The following GGA2 variants were observed in gnomAD, a reference collection of about 807,000 sequenced individuals.
The protein encoded by GGA2 is ADP-ribosylation factor-binding protein GGA2.
Under a neutral mutation model 79.5 loss-of-function variants are expected in GGA2, and 48 were observed. The observed-to-expected ratio is 0.60, with a 90% CI of 0.48 to 0.77. The LOEUF (loss-of-function observed/expected upper bound fraction) is 0.77. GGA2 is among the 30% of genes least tolerant of loss of function. The pLI is 0.00. For missense variants in GGA2, 770 were observed against 774.0 expected (o/e 0.99, Z 0.06); for synonymous variants, 317 against 302.0 (o/e 1.05, Z -0.51).
At chr16:23,523,312 G>A (rs931875451), upstream of GGA2, 1 of 152,196 alleles carries the variant, frequency 6.6e-6, no homozygotes, top group African/African-American at 2.4e-5. Context: ...GAAACCAGCA[G>A]AGATGATGAC....
chr16:23,472,292 C>T (rs1323546808), intron 14 of GGA2, among the ~76,000 whole-genome samples: 1 of 143,196 alleles, frequency 7.0e-6, no homozygotes, highest in East Asian at 2.3e-4. Context: ...CTCCCAGGTT[C>T]AAGCGATTCT....
intron 1 of GGA2, among the ~76,000 whole-genome samples, chr16:23,521,390 CTTTAT>C (rs1965140808): frequency 6.6e-6 from 1 of 151,752 alleles, no homozygotes; most frequent in Non-Finnish European, 1.5e-5. Flanking sequence ...ATCCTTTTAA[CTTTAT>C]TTTATTCATT....
chr16:23,487,275 T>G (rs962555571), intron 6 of GGA2, among the ~76,000 whole-genome samples: 4 of 152,182 alleles, frequency 2.6e-5, no homozygotes, highest in African/African-American at 9.7e-5. Flanking sequence ...CCAGCGTGCC[T>G]GGCCTGCCAC....
intron 2 of GGA2, among the ~76,000 whole-genome samples, chr16:23,516,977 G>A (rs1290303921): frequency 1.3e-5 from 2 of 151,640 alleles, no homozygotes; most frequent in Non-Finnish European, 2.9e-5. Flanking sequence ...GAGAGAGAAG[G>A]ACCCTGGGTC....
At chr16:23,515,035 T>A (rs1965094939), upstream of GGA2, among the ~76,000 whole-genome samples, 1 of 152,064 alleles carries the variant, frequency 6.6e-6, no homozygotes, top group African/African-American at 2.4e-5. Flanking sequence ...TTGAGGAGTT[T>A]AATGTAGTGG....
chr16:23,474,605 C>T (rs1353299223), intron 14 of GGA2, among the ~76,000 whole-genome samples: 6 of 151,914 alleles, frequency 3.9e-5, no homozygotes, highest in Non-Finnish European at 8.8e-5. Flanking sequence ...TGATCACCTG[C>T]CTTGGCCTCC....
chr16:23,485,449 A>G (rs1964699592), intron 8 of GGA2, among the ~76,000 whole-genome samples: 1 of 152,230 alleles, frequency 6.6e-6, no homozygotes, highest in African/African-American at 2.4e-5. Flanking sequence ...TCACCCTTGA[A>G]GATAGCTTAG....
At chr16:23,484,606 G>A (rs1447891112) in intron 8 of GGA2, among the ~76,000 whole-genome samples, 1 of 152,172 alleles carries the variant, frequency 6.6e-6, no homozygotes, top group Non-Finnish European at 1.5e-5. Flanking sequence ...CTTCTAAGAT[G>A]CACAAGCTGC....
At chr16:23,505,476 A>C (rs2142143317) in intron 1 of GGA2, among the ~76,000 whole-genome samples, 1 of 152,332 alleles carries the variant, frequency 6.6e-6, no homozygotes, top group East Asian at 1.9e-4. Flanking sequence ...ATCTGCAGTC[A>C]TGTGGAATAA....
Position 23,478,492 on chromosome 16 carries a change from G to T in GGA2, c.1168C>A (p.Gln390Lys). The change falls in exon 13 of 17, where the codon CAG (glutamine) becomes AAG (lysine). Residue 390 changes from glutamine to lysine, a missense_variant. By Grantham distance (53) the Gln-to-Lys change is moderately conservative (BLOSUM62 1). Coordinates refer to ENST00000309859, the MANE Select transcript of GGA2 (RefSeq NM_015044.4). ...TTCCTCTTTTCCTCACAGCAATTCT[G>T]ACCAGAAACCTGTCAAATCAGGAAT... ...DAPVTGMVSG[Q>K]NCCEEKRNPS... 1 of 1,606,650 alleles carries T rather than the reference G, an allele frequency of 6.2e-7. No homozygotes were observed. Among genetic ancestry groups the T allele is most frequent in the Non-Finnish European group, 8.5e-7 (1 of 1,174,936 alleles).
rs546467027 is a variant in GGA2, at chr16:23,520,278, C to T, written c.9-639G>A. Among the ~76,000 whole-genome samples the T allele has an allele frequency of 1.8e-4, 26 of 143,732 alleles. No individual in the cohort carries two copies. The East Asian group carries it at 3.7e-3, about 20-fold the overall frequency. The allele number at this position is 143,732 out of a possible 152,430, so 94.3% of individuals were successfully genotyped here. A position where few individuals can be genotyped will look rare whatever the true frequency, so the allele number is the denominator to read the frequency against. Reference sequence around the variant, plus strand: ...CAAAAAAAAAAAAAAAAAAGAACTTCGTATATGTTATCTATTCCAATCCTT... The same window carrying T: ...CAAAAAAAAAAAAAAAAAAGAACTTTGTATATGTTATCTATTCCAATCCTT... On this transcript the variant is annotated intron_variant, in intron 1 of 5. Transcript: ENST00000569300.
intron 1 of GGA2, among the ~76,000 whole-genome samples, chr16:23,509,950 T>C (rs1234557594): frequency 2.6e-5 from 4 of 151,762 alleles, no homozygotes; most frequent in Non-Finnish European, 5.9e-5. Flanking sequence ...GGGTTAATAA[T>C]AGAAGCCAGC....
At chr16:23,522,840 T>C (rs1399700635), upstream of GGA2, 1 of 152,198 alleles carries the variant, frequency 6.6e-6, no homozygotes, top group Non-Finnish European at 1.5e-5. Flanking sequence ...CGAGATCAGC[T>C]AGGATTGCGG....
intron 8 of GGA2, among the ~76,000 whole-genome samples, chr16:23,484,342 C>G (rs185118863): frequency 6.6e-6 from 1 of 152,060 alleles, no homozygotes; most frequent in Non-Finnish European, 1.5e-5. Context: ...CGCTCGAACC[C>G]GGGAGGCAGA....
chr16:23,513,898 T>C (rs1222753651), upstream of GGA2, among the ~76,000 whole-genome samples: 2 of 151,998 alleles, frequency 1.3e-5, no homozygotes, highest in African/African-American at 4.8e-5. Flanking sequence ...TCCTGCCCTA[T>C]ACCTAGGAAG....
chr16:23,470,500 C>T (rs1435037138), intron 14 of GGA2, among the ~76,000 whole-genome samples: 5 of 152,108 alleles, frequency 3.3e-5, no homozygotes, highest in Non-Finnish European at 7.4e-5. Context: ...TGGGGGCTCA[C>T]GCCTGTAATC....
chr16:23,522,796 G>A (rs973615846), upstream of GGA2: 3 of 152,176 alleles, frequency 2.0e-5, no homozygotes, highest in Non-Finnish European at 4.4e-5. Flanking sequence ...TCTCTGAGTG[G>A]TTCTGGCTTA....
chr16:23,511,851 A>G (rs1037052846), upstream of GGA2, among the ~76,000 whole-genome samples: 3 of 152,190 alleles, frequency 2.0e-5, no homozygotes, highest in Non-Finnish European at 2.9e-5. Context: ...ATTTATCTGG[A>G]AAAAAAGGAA....
intron 14 of GGA2, among the ~76,000 whole-genome samples, chr16:23,471,411 G>C (rs1015693445): frequency 3.9e-5 from 6 of 152,002 alleles, no homozygotes; most frequent in Non-Finnish European, 7.4e-5. Flanking sequence ...ATTTAAAAAG[G>C]GGGGCAGGGC....
Sources: allele counts gnomAD v4.1 joint callset (sites outside exome capture counted in the v4.1 genomes callset), GRCh38; gene constraint gnomAD v4.1.1; transcripts MANE v1.5; gene names NCBI Gene and HGNC (gene_info 2026-07-23, HGNC 2026-07-21).